FEM1C: variants seen among roughly 807,000 people sequenced by gnomAD.
The protein encoded by FEM1C is fem-1 homolog C.
FEM1C carries 15 observed loss-of-function variants against 37.6 expected under a neutral mutation model. The observed-to-expected ratio is 0.40, with a 90% confidence interval of 0.27 to 0.61. The LOEUF (loss-of-function observed/expected upper bound fraction) is 0.61. FEM1C is among the 20% of genes least tolerant of loss of function. FEM1C has a pLI of 0.42. For synonymous variants in FEM1C, 287 were observed against 272.8 expected (o/e 1.05, Z -0.51); for missense variants, 532 against 749.7 (o/e 0.71, Z 3.39).
chr5:115,530,768 G>A (rs911029807), intron 2 of FEM1C, among the ~76,000 whole-genome samples: 1 of 151,890 alleles, frequency 6.6e-6, no homozygotes, highest in Non-Finnish European at 1.5e-5. Context: ...TTGCTTCGTC[G>A]GTCAAAGAAG....
At chr5:115,527,560 T>C (rs1029469244) in intron 2 of FEM1C, among the ~76,000 whole-genome samples, 5 of 152,180 alleles carry the variant, frequency 3.3e-5, no homozygotes, top group African/African-American at 4.8e-5. Flanking sequence ...CTACACCAAG[T>C]ATATTTTAAA....
At chr5:115,537,504 G>A (rs1754153344) in intron 2 of FEM1C, among the ~76,000 whole-genome samples, 1 of 151,878 alleles carries the variant, frequency 6.6e-6, no homozygotes, top group South Asian at 2.1e-4. Flanking sequence ...TTCCCTACTG[G>A]ACTCAATTTG....
At position 115,525,211 on chromosome 5, in the gene FEM1C, C is replaced by G; in HGVS notation, c.951G>C (p.Glu317Asp). ...TGATTAATAGTGCCTGCATTCTCATCTCATCAGGATCAGCAATAAGACCTT... is the reference window on the plus strand; with the variant it reads ...TGATTAATAGTGCCTGCATTCTCATGTCATCAGGATCAGCAATAAGACCTT... ...ELEGLIADPDEMRMQALLIRE... is the reference protein window; with the variant it reads ...ELEGLIADPDDMRMQALLIRE... Residue 317 changes from glutamate (E) to aspartate (D), a missense_variant, in exon 3 of 3, where the codon GAG becomes GAC. Transcript: ENST00000274457. 2 of 1,613,482 alleles carry G rather than the reference C, an allele frequency of 1.2e-6. No homozygotes were observed. The highest frequency in any genetic ancestry group is 2.2e-5 in the South Asian group (2 of 91,054).
intron 2 of FEM1C, among the ~76,000 whole-genome samples, chr5:115,539,496 T>A (rs1754196640): frequency 6.6e-6 from 1 of 152,072 alleles, no homozygotes; most frequent in Non-Finnish European, 1.5e-5. Context: ...CAAAACTCAA[T>A]TGCTATGACT....
Position 115,525,533 on chromosome 5 carries a change from T to C in FEM1C, c.629A>G (p.Lys210Arg), listed in dbSNP as rs746363142. ...AAGGGGAGTCATTCCATAACCATCCTTTTCCATCTTGGCACAATACATAAG... is the reference window on the plus strand; with the variant it reads ...AAGGGGAGTCATTCCATAACCATCCCTTTCCATCTTGGCACAATACATAAG... ...MLLMYCAKMEKDGYGMTPLLS... is the reference protein window; with the variant it reads ...MLLMYCAKMERDGYGMTPLLS... Residue 210 changes from lysine to arginine, a missense_variant, in exon 3 of 3, where the codon AAG becomes AGG. Transcript: ENST00000274457. 1 of 1,613,626 alleles carries C rather than the reference T, an allele frequency of 6.2e-7. No homozygotes were observed. The highest frequency in any genetic ancestry group is 1.3e-5 in the African/African-American group (1 of 74,978).
Position 115,543,646 on chromosome 5 carries a change from CCTA to C in FEM1C, c.-156_-154del. The C allele has an allele frequency of 7.2e-7, 1 of 1,390,026 alleles. No individual in the cohort carries two copies. The highest frequency in any genetic ancestry group is 9.3e-7 in the Non-Finnish European group (1 of 1,077,280). The allele number at this position is 1,390,026 out of a possible 1,614,324, so 86.1% of individuals were successfully genotyped here. On this transcript the variant is annotated 5_prime_UTR_variant, in exon 2 of 3. Coordinates refer to ENST00000274457, the MANE Select transcript of FEM1C (RefSeq NM_020177.3). Reference sequence around the variant, plus strand: ...CACAACCACGAAGAGTATGTTCCGTCCTACTGCTTTCCAACATCTGACAACCAG... The same window carrying C: ...CACAACCACGAAGAGTATGTTCCGTCCTGCTTTCCAACATCTGACAACCAG...
At chr5:115,543,871 CA>C (rs1200473435) in intron 1 of FEM1C, 188 bp from the exon 2 acceptor site, 1 of 985,048 alleles carries the variant, frequency 1.0e-6, no homozygotes, top group Non-Finnish European at 1.2e-6. Flanking sequence ...CACAGAGACC[CA>C]AATGTTCTGG....
chr5:115,528,593 T>C (rs928197381), intron 2 of FEM1C, among the ~76,000 whole-genome samples: 1 of 152,120 alleles, frequency 6.6e-6, no homozygotes, highest in African/African-American at 2.4e-5. Flanking sequence ...ATGACTAGTA[T>C]ACAGAATTAA....
chr5:115,528,588 T>C (rs1713928354), intron 2 of FEM1C, among the ~76,000 whole-genome samples: 2 of 152,196 alleles, frequency 1.3e-5, no homozygotes, highest in African/African-American at 2.4e-5. Context: ...CCAGGATGAC[T>C]AGTATACAGA....
chr5:115,542,529 A>C (rs1048220715), intron 2 of FEM1C, among the ~76,000 whole-genome samples: 2 of 151,598 alleles, frequency 1.3e-5, no homozygotes, highest in Admixed American at 6.6e-5. Context: ...ACCATGACTC[A>C]ATAAATATAG....
intron 2 of FEM1C, 76 bp downstream of exon 2, chr5:115,542,874 C>A (rs1220828080): frequency 7.2e-6 from 11 of 1,527,496 alleles, no homozygotes; most frequent in Non-Finnish European, 9.7e-6. Context: ...TACTCAACAC[C>A]AGTGCTTATA....
chr5:115,544,030 G>A, intron 1 of FEM1C: 1 of 985,406 alleles, frequency 1.0e-6, no homozygotes, highest in Non-Finnish European at 1.2e-6. Context: ...GGAGACTCGG[G>A]TTCAGAAATG....
chr5:115,536,504 A>G (rs985939447), intron 2 of FEM1C, among the ~76,000 whole-genome samples: 5 of 151,896 alleles, frequency 3.3e-5, no homozygotes, highest in African/African-American at 1.2e-4. Flanking sequence ...AATAATGCTG[A>G]TTCCAAGTAT....
intron 1 of FEM1C, 145 bp downstream of exon 1, chr5:115,544,378 A>T (rs1436509476): frequency 6.5e-6 from 1 of 154,312 alleles, no homozygotes; most frequent in African/African-American, 2.5e-5. Flanking sequence ...TCCATCGACC[A>T]CAACCCCCTC....
chr5:115,535,234 G>A (rs1440864539), intron 2 of FEM1C, among the ~76,000 whole-genome samples: 6 of 146,144 alleles, frequency 4.1e-5, no homozygotes, highest in South Asian at 2.1e-4. Flanking sequence ...TTAAAAATCC[G>A]TTTGTAAAAT....
chr5:115,540,391 T>C (rs1190610200), intron 2 of FEM1C, among the ~76,000 whole-genome samples: 1 of 152,074 alleles, frequency 6.6e-6, no homozygotes, highest in African/African-American at 2.4e-5. Flanking sequence ...TGCATGTGTA[T>C]GGGTATAAAG....
At chr5:115,532,642 A>G (rs181632509) in intron 2 of FEM1C, among the ~76,000 whole-genome samples, 199 of 152,086 alleles carry the variant, frequency 1.3e-3, no homozygotes, top group Non-Finnish European at 2.1e-3. Flanking sequence ...CAGTATATAT[A>G]TAACTGTTTC....
chr5:115,544,313 A>G (rs1038561519), intron 1 of FEM1C, among the ~76,000 whole-genome samples: 1 of 91,226 alleles, frequency 1.1e-5, no homozygotes, highest in Non-Finnish European at 2.1e-5. Flanking sequence ...CAGTCGCCCC[A>G]ACACAACCTT....
intron 2 of FEM1C, among the ~76,000 whole-genome samples, chr5:115,529,995 G>T (rs2127170801): frequency 6.6e-6 from 1 of 151,926 alleles, no homozygotes; most frequent in East Asian, 1.9e-4. Flanking sequence ...AAAAATATCA[G>T]TAATTACATT....
Sources: allele counts gnomAD v4.1 joint callset (sites outside exome capture counted in the v4.1 genomes callset), GRCh38; gene constraint gnomAD v4.1.1; transcripts MANE v1.5; gene names NCBI Gene and HGNC (gene_info 2026-07-23, HGNC 2026-07-21).